KLHL14: variants seen among roughly 807,000 people sequenced by gnomAD.
The protein encoded by KLHL14 is kelch like family member 14, also known as kelch-like protein 14.
Under a neutral mutation model 64.3 loss-of-function variants are expected in KLHL14, and 22 were observed. The observed-to-expected ratio is 0.34, with a 90% CI of 0.24 to 0.49. KLHL14 has a LOEUF of 0.49. Among genes scored for constraint, KLHL14 ranks in the 20% least tolerant of loss-of-function variants. The pLI is 0.99. For synonymous variants in KLHL14, 322 were observed against 333.4 expected, an observed-to-expected ratio of 0.97 and a Z score of 0.37; for missense variants, 661 against 789.0, an observed-to-expected ratio of 0.84 and a Z score of 1.94.
intron 4 of KLHL14, among the ~76,000 whole-genome samples, chr18:32,692,550 C>T (rs115755679): frequency 1.1e-3 from 172 of 152,276 alleles, no homozygotes; most frequent in African/African-American, 4.0e-3. Context: ...GGTTGAGTCT[C>T]TTCACAGTTT....
At chr18:32,741,064 G>A (rs2050194218) in intron 3 of KLHL14, 1 of 152,094 alleles carries the variant, frequency 6.6e-6, no homozygotes, top group Non-Finnish European at 1.5e-5. Flanking sequence ...CACTTTTGTT[G>A]GTTTTAAATG....
chr18:32,698,621 G>A (rs1377179771), intron 3 of KLHL14, among the ~76,000 whole-genome samples: 2 of 152,086 alleles, frequency 1.3e-5, no homozygotes, highest in South Asian at 2.1e-4. Flanking sequence ...TTTACTCAGA[G>A]GGAGTAGGAG....
chr18:32,747,409 GCAACTAGACAGTCC>G (rs2050229199), intron 2 of KLHL14, among the ~76,000 whole-genome samples: 1 of 152,124 alleles, frequency 6.6e-6, no homozygotes, highest in Non-Finnish European at 1.5e-5. Context: ...TTGTTTTCCT[GCAACTAGACAGTCC>G]CATCTGGGGG....
chr18:32,686,177 ATTTTTT>A (rs148393455), intron 5 of KLHL14, among the ~76,000 whole-genome samples: 11 of 107,650 alleles, frequency 1.0e-4, no homozygotes, highest in African/African-American at 2.9e-4. Context: ...GTGCCCGGCT[ATTTTTT>A]TTTTTTTTTT....
chr18:32,748,505 G>T (rs2050235466), intron 2 of KLHL14, among the ~76,000 whole-genome samples: 1 of 152,120 alleles, frequency 6.6e-6, no homozygotes, highest in African/African-American at 2.4e-5. Context: ...GAGTAGCTGG[G>T]ACTACAGGCG....
intron 3 of KLHL14, among the ~76,000 whole-genome samples, chr18:32,729,152 C>T (rs559214051): frequency 3.3e-5 from 5 of 152,222 alleles, no homozygotes; most frequent in Admixed American, 2.6e-4. Flanking sequence ...GAATGAGGCT[C>T]ACACGTGGTT....
chr18:32,693,417 G>C (rs201904542), intron 4 of KLHL14, among the ~76,000 whole-genome samples: 27,158 of 85,742 alleles, frequency 0.32, 3,133 homozygotes, highest in East Asian at 0.46. Context: ...CACACACAGA[G>C]AGAGAGAGAG....
At chr18:32,769,563 C>T in intron 2 of KLHL14, 82 bp downstream of exon 2, 1 of 902,470 alleles carries the variant, frequency 1.1e-6, no homozygotes, top group South Asian at 2.0e-5. Context: ...CCATCTCTTC[C>T]CTCCTCCCTG....
chr18:32,759,169 C>A (rs1057070337), intron 2 of KLHL14, among the ~76,000 whole-genome samples: 3 of 152,142 alleles, frequency 2.0e-5, no homozygotes, highest in Non-Finnish European at 4.4e-5. Flanking sequence ...TTTCTGATGG[C>A]ATGAATAGAT....
intron 2 of KLHL14, among the ~76,000 whole-genome samples, chr18:32,752,814 C>A (rs1206895052): frequency 7.4e-6 from 1 of 134,416 alleles, no homozygotes; most frequent in Non-Finnish European, 1.5e-5. Flanking sequence ...GACGGAGTCT[C>A]GCTCTGTCGC....
chr18:32,693,427 G>A (rs546051945), intron 4 of KLHL14, among the ~76,000 whole-genome samples: 5 of 149,838 alleles, frequency 3.3e-5, no homozygotes, highest in African/African-American at 5.0e-5. Flanking sequence ...GAGAGAGAGA[G>A]AGAGAGAGAG....
At chr18:32,734,706 C>A (rs1347185757) in intron 3 of KLHL14, among the ~76,000 whole-genome samples, 1 of 152,168 alleles carries the variant, frequency 6.6e-6, no homozygotes, top group East Asian at 1.9e-4. Flanking sequence ...TGAGCCTGGA[C>A]ATTTATGTGT....
intron 1 of KLHL14, chr18:32,772,393 G>A (rs1312467641): frequency 5.4e-6 from 1 of 186,862 alleles, no homozygotes; most frequent in Non-Finnish European, 1.1e-5. Context: ...CTCCCTTTAA[G>A]AGGACCCGGT....
At chr18:32,707,020 G>A (rs144442160) in intron 3 of KLHL14, among the ~76,000 whole-genome samples, 325 of 152,276 alleles carry the variant, frequency 2.1e-3, no homozygotes, top group Non-Finnish European at 3.3e-3. Flanking sequence ...GTGCAGTGGA[G>A]GCTTGCTTGG....
intron 3 of KLHL14, among the ~76,000 whole-genome samples, chr18:32,725,010 C>T (rs1312200310): frequency 6.9e-6 from 1 of 144,444 alleles, no homozygotes; most frequent in Non-Finnish European, 1.5e-5. Flanking sequence ...TAAAAATTCC[C>T]CTCCCTTCCC....
At chr18:32,695,349 TC>T in intron 4 of KLHL14, 113 bp downstream of exon 4, 1 of 700,976 alleles carries the variant, frequency 1.4e-6, no homozygotes, top group East Asian at 2.7e-5. Flanking sequence ...ACTTCATTTG[TC>T]CCCGTTGCAC....
chr18:32,763,123 T>TC (rs2050323197), intron 2 of KLHL14, among the ~76,000 whole-genome samples: 1 of 151,442 alleles, frequency 6.6e-6, no homozygotes, highest in Admixed American at 6.6e-5. Flanking sequence ...TTTTTTTTTT[T>TC]CATAGTTAAA....
At position 32,770,280 on chromosome 18, in the gene KLHL14, G is replaced by A. The variant is rs767016014; in HGVS notation, c.312C>T (p.Pro104=). The A allele has an allele frequency of 1.9e-6, 3 of 1,590,284 alleles. No homozygotes were observed. The highest frequency in any genetic ancestry group is 2.6e-6 in the Non-Finnish European group (3 of 1,167,834). Reference sequence around the variant, plus strand: ...CGTCGGGGGAGGAAGAAGGAGTCCCGGGCTCCTCCTGCGGCGGCGGCTGCT... The same window carrying A: ...CGTCGGGGGAGGAAGAAGGAGTCCCAGGCTCCTCCTGCGGCGGCGGCTGCT... The part of the protein sequence containing the change: ...QQQQPPPQEE[P]GTPSSSPDDK... The change falls in exon 2 of 9, where the codon CCC becomes CCT. Residue 104 remains proline (P), a synonymous_variant. Transcript: ENST00000359358. The surrounding 1 kb of genome is among the most constrained non-coding windows in gnomAD (Gnocchi z 6.7).
chr18:32,715,145 A>G (rs1370500457), intron 3 of KLHL14, among the ~76,000 whole-genome samples: 3 of 152,160 alleles, frequency 2.0e-5, no homozygotes, highest in African/African-American at 7.2e-5. Flanking sequence ...ATTTTTAAAA[A>G]TAGGTCAGAT....
Sources: gnomAD v4.1 joint callset for allele counts (sites outside exome capture counted in the v4.1 genomes callset) on GRCh38, gnomAD v4.1.1 for gene constraint, Gnocchi (gnomAD v3.1) non-coding constraint, MANE v1.5 for transcripts, NCBI Gene and HGNC (gene_info 2026-07-23, HGNC 2026-07-21) for gene names.